ADAM12: variants seen among roughly 807,000 people sequenced by gnomAD.
The protein encoded by ADAM12 is ADAM metallopeptidase domain 12.
Under a neutral mutation model 106.4 loss-of-function variants are expected in ADAM12, and 70 were observed. The observed-to-expected ratio is 0.66, with a 90% confidence interval of 0.54 to 0.80. ADAM12 has a LOEUF of 0.80. Among genes scored for constraint, ADAM12 ranks in the 30% least tolerant of loss-of-function variants. The probability of loss-of-function intolerance (pLI) is 0.00; values close to 1 mark genes in which losing one functional copy is unlikely to be tolerated. For missense variants in ADAM12, 1,010 were observed against 1,171.9 expected, an observed-to-expected ratio of 0.86 and a Z score of 2.02; for synonymous variants, 420 against 433.5, an observed-to-expected ratio of 0.97 and a Z score of 0.39.
At chr10:126,149,324 A>G (rs1348328116) in intron 4 of ADAM12, among the ~76,000 whole-genome samples, 1 of 152,164 alleles carries the variant, frequency 6.6e-6, no homozygotes, top group Non-Finnish European at 1.5e-5. Flanking sequence ...TTGCAATCCA[A>G]GTCCCAAACA....
chr10:126,246,685 C>T (rs1958636737), intron 3 of ADAM12, among the ~76,000 whole-genome samples: 1 of 152,006 alleles, frequency 6.6e-6, no homozygotes, highest in African/African-American at 2.4e-5. Context: ...AATTCAACAC[C>T]CCCTCATGTT....
intron 2 of ADAM12, among the ~76,000 whole-genome samples, chr10:126,283,213 C>T (rs1414210432): frequency 6.6e-6 from 1 of 152,100 alleles, no homozygotes; most frequent in Non-Finnish European, 1.5e-5. Flanking sequence ...TGGGGAGCTG[C>T]TCTAAATACA....
At chr10:126,165,915 G>T (rs537299525) in intron 3 of ADAM12, among the ~76,000 whole-genome samples, 25 of 152,198 alleles carry the variant, frequency 1.6e-4, no homozygotes, top group African/African-American at 5.8e-4. Context: ...AATGGAGCAC[G>T]TACATTCCAT....
At chr10:126,020,387 C>G (rs1268679314) in intron 21 of ADAM12, among the ~76,000 whole-genome samples, 1 of 152,116 alleles carries the variant, frequency 6.6e-6, no homozygotes, top group Non-Finnish European at 1.5e-5. Flanking sequence ...AGAATTGATG[C>G]AGTGGTCTGA....
intron 14 of ADAM12, among the ~76,000 whole-genome samples, chr10:126,061,158 A>C (rs1954747963): frequency 6.6e-6 from 1 of 152,132 alleles, no homozygotes. Flanking sequence ...TGACCCTCTT[A>C]CAGCCCGTTT....
intron 11 of ADAM12, among the ~76,000 whole-genome samples, chr10:126,086,260 C>T (rs1027631604): frequency 2.0e-5 from 3 of 152,068 alleles, no homozygotes; most frequent in East Asian, 1.9e-4. Context: ...GATGTGTTCA[C>T]GGCCACTTCC....
intron 3 of ADAM12, among the ~76,000 whole-genome samples, chr10:126,257,911 A>G (rs2133701464): frequency 6.6e-6 from 1 of 152,294 alleles, no homozygotes; most frequent in Admixed American, 6.5e-5. Flanking sequence ...TGGTGTCTTT[A>G]CAGGCACCAT....
chr10:126,279,092 G>C, intron 2 of ADAM12, 104 bp from the exon 3 acceptor site: 1 of 816,488 alleles, frequency 1.2e-6, no homozygotes, highest in Middle Eastern at 2.3e-4. Context: ...TAAACGATGC[G>C]GTCAACCTAA....
intron 3 of ADAM12, among the ~76,000 whole-genome samples, chr10:126,175,538 A>G (rs1957205157): frequency 6.6e-6 from 1 of 152,368 alleles, no homozygotes. Context: ...TTCTGTGTAC[A>G]TGACTTGCTT....
intron 18 of ADAM12, among the ~76,000 whole-genome samples, chr10:126,040,876 G>GTGAC (rs1954149985): frequency 6.6e-6 from 1 of 152,124 alleles, no homozygotes; most frequent in African/African-American, 2.4e-5. Context: ...GGCCCGGGCA[G>GTGAC]TGACTGACTC....
At chr10:126,207,416 T>C (rs1029986030) in intron 3 of ADAM12, among the ~76,000 whole-genome samples, 1 of 152,208 alleles carries the variant, frequency 6.6e-6, no homozygotes, top group Non-Finnish European at 1.5e-5. Context: ...ACGCAAGCTA[T>C]TATAATTAAG....
At chr10:126,259,974 G>A (rs1024502950) in intron 3 of ADAM12, among the ~76,000 whole-genome samples, 4 of 152,184 alleles carry the variant, frequency 2.6e-5, no homozygotes, top group African/African-American at 7.2e-5. Context: ...CTTGAGTTCC[G>A]TCAAGAATGA....
intron 1 of ADAM12, among the ~76,000 whole-genome samples, chr10:126,386,215 G>T (rs1422574355): frequency 2.6e-5 from 4 of 152,074 alleles, no homozygotes; most frequent in African/African-American, 9.7e-5. Flanking sequence ...TGGGATCTAG[G>T]GTTCTGTTTT....
intron 3 of ADAM12, among the ~76,000 whole-genome samples, chr10:126,253,229 AT>A (rs368898462): frequency 0.021 from 3,143 of 149,100 alleles, 114 homozygotes; most frequent in African/African-American, 0.071. Flanking sequence ...ATTTACTGCA[AT>A]TTTTTTTTTT....
At chr10:126,075,785 C>A (rs1429269631) in intron 11 of ADAM12, among the ~76,000 whole-genome samples, 3 of 152,106 alleles carry the variant, frequency 2.0e-5, no homozygotes, top group South Asian at 4.1e-4. Context: ...CCCAGAGAGG[C>A]AACCCATTTT....
intron 13 of ADAM12, among the ~76,000 whole-genome samples, chr10:126,065,436 ATAACTT>A (rs1248520773): frequency 6.6e-6 from 1 of 152,230 alleles, no homozygotes; most frequent in Non-Finnish European, 1.5e-5. Flanking sequence ...GTTAATAAAA[ATAACTT>A]TAAGGTCACA....
intron 3 of ADAM12, among the ~76,000 whole-genome samples, chr10:126,267,373 A>G (rs1318982645): frequency 6.6e-6 from 1 of 152,158 alleles, no homozygotes; most frequent in Non-Finnish European, 1.5e-5. Flanking sequence ...CTTTATTTCT[A>G]TTATTACATT....
chr10:126,035,537 C>A (rs767093573), intron 21 of ADAM12, among the ~76,000 whole-genome samples: 14 of 152,054 alleles, frequency 9.2e-5, no homozygotes, highest in Non-Finnish European at 1.2e-4. Context: ...ATATTAATAG[C>A]AGTGAAAAAT....
chr10:126,032,592 A>G (rs1590309852), intron 21 of ADAM12, among the ~76,000 whole-genome samples: 1 of 152,196 alleles, frequency 6.6e-6, no homozygotes, highest in African/African-American at 2.4e-5. Flanking sequence ...TGTTAGCCCC[A>G]GTTTGACATG....
Sources: gnomAD v4.1 joint callset for allele counts (sites outside exome capture counted in the v4.1 genomes callset) on GRCh38, gnomAD v4.1.1 for gene constraint, MANE v1.5 for transcripts, NCBI Gene and HGNC (gene_info 2026-07-23, HGNC 2026-07-21) for gene names.